CKM: variants seen among roughly 807,000 people sequenced by gnomAD.
CKM encodes the protein creatine kinase, M-type.
A neutral mutation model predicts 35.4 loss-of-function variants in CKM; 28 were observed. The observed-to-expected ratio is 0.79, with a 90% CI of 0.59 to 1.08. The LOEUF is 1.08. Ranked by LOEUF, CKM falls within the 50% of genes least tolerant of loss-of-function variation. The pLI, the probability that CKM is intolerant of heterozygous loss-of-function variation, is 0.00. For missense variants in CKM, 484 were observed against 509.8 expected, an observed-to-expected ratio of 0.95 and a Z score of 0.49; for synonymous variants, 215 against 204.4, an observed-to-expected ratio of 1.05 and a Z score of -0.44.
chr19:45,318,459 G>C (rs553367894), intron 2 of CKM, among the ~76,000 whole-genome samples: 8 of 151,832 alleles, frequency 5.3e-5, no homozygotes, highest in Non-Finnish European at 1.0e-4. Flanking sequence ...GAACTGGGAG[G>C]GAAGGCTGGG....
chr19:45,307,798 T>C (rs912481095), intron 6 of CKM, 148 bp from the exon 7 acceptor site: 4 of 654,488 alleles, frequency 6.1e-6, no homozygotes, highest in African/African-American at 1.8e-5. Flanking sequence ...ATTCCGAGGG[T>C]GCTGGCTAGA....
intron 6 of CKM, 91 bp downstream of exon 6, chr19:45,308,318 G>C (rs1432272290): frequency 6.6e-7 from 1 of 1,518,680 alleles, no homozygotes; most frequent in East Asian, 2.3e-5. Flanking sequence ...GGTGGGGCAG[G>C]GCTTAGTATA....
At chr19:45,316,259 A>ATCAAC in intron 3 of CKM, among the ~76,000 whole-genome samples, 1 of 150,338 alleles carries the variant, frequency 6.7e-6, no homozygotes, top group East Asian at 2.0e-4. Context: ...GAACCTGGGG[A>ATCAAC]TCAGGGGTTT....
intron 3 of CKM, among the ~76,000 whole-genome samples, chr19:45,317,223 T>A (rs1971166724): frequency 6.6e-6 from 1 of 152,204 alleles, no homozygotes; most frequent in Non-Finnish European, 1.5e-5. Context: ...TTTTCCTGCC[T>A]CCACCTCCTG....
intron 5 of CKM, among the ~76,000 whole-genome samples, chr19:45,309,964 T>TCC (rs1267681754): frequency 2.0e-5 from 3 of 152,032 alleles, no homozygotes; most frequent in African/African-American, 7.2e-5. Context: ...GCACCCAGGC[T>TCC]CCCTTCATCG....
At position 45,307,509 on chromosome 19, in the gene CKM, TG is replaced by T. The variant is rs1971064411; in HGVS notation, c.918del (p.Lys307SerfsTer41). On this transcript the variant is annotated frameshift_variant, in exon 7 of 8. Coordinates refer to ENST00000221476, the MANE Select transcript of CKM (RefSeq NM_001824.5). LOFTEE classifies it high-confidence loss of function. ...HVKLAHLSKH[P>X]KFEEILTRLR... ...AGGCGGGTGAGGATCTCCTCGAACT[TG>T]GGGTGCTTGCTCAGGTGCGCCAGCT... 3 of 1,613,962 alleles carry T rather than the reference TG, an allele frequency of 1.9e-6. No individual in the cohort carries two copies. Among genetic ancestry groups the T allele is most frequent in the African/African-American group, 1.3e-5 (1 of 75,032 alleles).
chr19:45,306,994 C>T lies in CKM; in HGVS notation c.968-66G>A. The T allele has an allele frequency of 6.4e-7, 1 of 1,559,906 alleles. No homozygotes were observed. Among genetic ancestry groups the T allele is most frequent in the South Asian group, 1.1e-5 (1 of 90,052 alleles). On this transcript the variant is annotated intron_variant, in intron 7 of 7. Coordinates refer to ENST00000221476, the MANE Select transcript of CKM (RefSeq NM_001824.5). The surrounding 1 kb of genome is among the most constrained non-coding windows in gnomAD (Gnocchi z 4.5). ...GTGCAGAGGGGCTGGGACGTGGCCC[C>T]CGTGCCAAATGCAACAGCCGCATGT...
At chr19:45,320,871 G>A (rs565753824) in intron 1 of CKM, among the ~76,000 whole-genome samples, 2 of 147,536 alleles carry the variant, frequency 1.4e-5, no homozygotes, top group Non-Finnish European at 3.0e-5. Context: ...TACACAATAA[G>A]CATTATTTCA....
chr19:45,315,938 G>A (rs762058959), intron 3 of CKM, among the ~76,000 whole-genome samples: 1 of 148,288 alleles, frequency 6.7e-6, no homozygotes, highest in Non-Finnish European at 1.5e-5. Flanking sequence ...CAAACTCCTG[G>A]GCTCAAGCAA....
intron 5 of CKM, 111 bp downstream of exon 5, chr19:45,311,638 A>G (rs894947036): frequency 1.1e-6 from 1 of 884,834 alleles, no homozygotes; most frequent in Admixed American, 2.4e-5. Context: ...GGCATTTAGA[A>G]GATCATAATT....
At chr19:45,322,040 G>A (rs905445164) in intron 1 of CKM, among the ~76,000 whole-genome samples, 1 of 152,020 alleles carries the variant, frequency 6.6e-6, no homozygotes, top group African/African-American at 2.4e-5. Context: ...GGCTCGGCTT[G>A]CACCAAGTCA....
chr19:45,321,558 G>A (rs1971213636), intron 1 of CKM, among the ~76,000 whole-genome samples: 1 of 152,270 alleles, frequency 6.6e-6, no homozygotes, highest in East Asian at 1.9e-4. Flanking sequence ...CATGAGGTTG[G>A]CTGAGCACAG....
chr19:45,307,595 C>T lies in CKM; in HGVS notation c.833G>A (p.Gly278Asp). Reference sequence around the variant, plus strand: ...GTTGGATGGGCAGGTGAGCACGTAGCCCAGGTGCTGGTTCCACATGAAGGG... The same window carrying T: ...GTTGGATGGGCAGGTGAGCACGTAGTCCAGGTGCTGGTTCCACATGAAGGG... ...GHPFMWNQHL[G>D]YVLTCPSNLG... The change falls in exon 7 of 8, where the codon GGC (glycine) becomes GAC (aspartate). Residue 278 changes from glycine to aspartate, a missense_variant. Coordinates refer to ENST00000221476, the MANE Select transcript of CKM (RefSeq NM_001824.5). 6.2e-7 allele frequency: 1 copy of T among 1,614,160 alleles called. No homozygotes were observed. Among genetic ancestry groups the T allele is most frequent in the Non-Finnish European group, 8.5e-7 (1 of 1,180,032 alleles).
In CKM at chr19:45,307,541, T is replaced by C. The variant is rs565428059; in HGVS notation, c.887A>G (p.His296Arg). The change falls in exon 7 of 8, where the codon CAT becomes CGT. Residue 296 changes from histidine to arginine, a missense_variant. Transcript: ENST00000221476. The stretch of plus-strand genomic sequence containing the variant: ...CTTGCTCAGGTGCGCCAGCTTCACA[T>C]GCACGCCTCCACGCAGCCCAGTGCC... ...NLGTGLRGGV[H>R]VKLAHLSKHP... 1.2e-6 allele frequency: 2 copies of C among 1,614,124 alleles called. No individual in the cohort carries two copies. Among genetic ancestry groups the C allele is most frequent in the South Asian group, 1.1e-5 (1 of 91,080 alleles).
intron 1 of CKM, among the ~76,000 whole-genome samples, chr19:45,321,298 A>AAT (rs1971211833): frequency 6.6e-6 from 1 of 151,590 alleles, no homozygotes; most frequent in African/African-American, 2.4e-5. Context: ...TTGGATTATC[A>AAT]ATCCAAAGAC....
intron 3 of CKM, among the ~76,000 whole-genome samples, chr19:45,316,487 T>C (rs540013268): frequency 1.3e-5 from 2 of 151,620 alleles, no homozygotes; most frequent in East Asian, 3.9e-4. Flanking sequence ...TTTTTTTTTC[T>C]TTTTTTTGGG....
intron 1 of CKM, among the ~76,000 whole-genome samples, chr19:45,322,456 C>T (rs941075844): frequency 2.6e-5 from 4 of 152,218 alleles, no homozygotes; most frequent in Non-Finnish European, 5.9e-5. Flanking sequence ...ACAGACACAC[C>T]TCCCACGGCT....
At chr19:45,312,329 C>T (rs566354555) in intron 4 of CKM, among the ~76,000 whole-genome samples, 1 of 152,134 alleles carries the variant, frequency 6.6e-6, no homozygotes, top group Non-Finnish European at 1.5e-5. Flanking sequence ...CTGGCACGAG[C>T]CTGTAGTCCA....
chr19:45,309,973 C>T (rs1303787943), intron 5 of CKM, among the ~76,000 whole-genome samples: 1 of 152,104 alleles, frequency 6.6e-6, no homozygotes, highest in Non-Finnish European at 1.5e-5. Context: ...CTCCCTTCAT[C>T]GATTGAAACC....
Sources: gnomAD v4.1 joint callset for allele counts (sites outside exome capture counted in the v4.1 genomes callset) on GRCh38, gnomAD v4.1.1 for gene constraint, Gnocchi (gnomAD v3.1) non-coding constraint, MANE v1.5 for transcripts, NCBI Gene and HGNC (gene_info 2026-07-23, HGNC 2026-07-21) for gene names.